Variants in ATIC observed in about 807,000 individuals in gnomAD.
The protein encoded by ATIC is bifunctional purine biosynthesis protein ATIC.
In ATIC, 64 loss-of-function variants were observed where a neutral mutation model predicts 72.5. The ratio of observed to expected loss-of-function variants is 0.88; its 90% CI spans 0.72 to 1.09. ATIC has a LOEUF of 1.09. Ranked by LOEUF, ATIC falls within the 50% of genes least tolerant of loss-of-function variation. ATIC has a pLI of 0.00. For missense variants in ATIC, 787 were observed against 732.4 expected, an observed-to-expected ratio of 1.07 and a Z score of -0.86; for synonymous variants, 281 against 267.1, an observed-to-expected ratio of 1.05 and a Z score of -0.51.
chr2:215,335,075 A>G (rs1575121296), intron 10 of ATIC, 71 bp downstream of exon 10: 1 of 992,692 alleles, frequency 1.0e-6, no homozygotes. Context: ...GTTAATTGAA[A>G]CCATAACCTA....
At chr2:215,365,135 C>G in the ATIC span, 1 of 704,930 alleles carries the variant, frequency 1.4e-6, no homozygotes, top group Non-Finnish European at 2.6e-6. Context: ...AGCAGTACTG[C>G]TATACAGATC....
At chr2:215,355,561 C>CCTGCAG in the ATIC span, among the ~76,000 whole-genome samples, 2 of 152,208 alleles carry the variant, frequency 1.3e-5, no homozygotes, top group African/African-American at 2.4e-5. Context: ...CCTCAGAGCA[C>CCTGCAG]AGAACCCTGC....
intron 3 of ATIC, among the ~76,000 whole-genome samples, chr2:215,319,178 C>T (rs1482729952): frequency 6.6e-6 from 1 of 152,130 alleles, no homozygotes; most frequent in Non-Finnish European, 1.5e-5. Context: ...CTGTGGCCAG[C>T]CAGATATATC....
rs1202350270 is a variant in ATIC at position 215,349,445 on chromosome 2, CT to C, written c.1660-88del. 3 of 1,604,406 alleles carry C rather than the reference CT, an allele frequency of 1.9e-6. No individual in the cohort carries two copies. The African/African-American group carries it at 4.0e-5, about 21-fold the overall frequency. On this transcript the variant is annotated intron_variant, in intron 15 of 15. Transcript: ENST00000236959. Reference sequence around the variant, plus strand: ...ATTTTGCCTTTTTGACTGAGTGTATCTTTGTTAGCATATGCTTTTTAGAGGG... The same window carrying C: ...ATTTTGCCTTTTTGACTGAGTGTATCTTGTTAGCATATGCTTTTTAGAGGG...
chr2:215,367,900 T>C, the ATIC span: 15 of 1,614,082 alleles, frequency 9.3e-6, no homozygotes, highest in Non-Finnish European at 1.3e-5. Flanking sequence ...TTCCAAAGCC[T>C]AAGCACTGGC....
intron 2 of ATIC, among the ~76,000 whole-genome samples, chr2:215,316,622 A>G (rs576531601): frequency 6.6e-6 from 1 of 152,358 alleles, no homozygotes; most frequent in South Asian, 2.1e-4. Context: ...ATGGACAACT[A>G]TAAAGAAGGT....
At chr2:215,365,293 G>C in the ATIC span, among the ~76,000 whole-genome samples, 1 of 152,058 alleles carries the variant, frequency 6.6e-6, no homozygotes, top group Non-Finnish European at 1.5e-5. Flanking sequence ...TACTCAGGTT[G>C]GACAAGTGCT....
the ATIC span, chr2:215,365,573 C>A: frequency 2.5e-6 from 4 of 1,613,942 alleles, no homozygotes; most frequent in Admixed American, 6.7e-5. Flanking sequence ...GCCATTTTCT[C>A]CCTGACGGTC....
chr2:215,333,487 G>A, intron 9 of ATIC, 30 bp downstream of exon 9: 1 of 1,578,068 alleles, frequency 6.3e-7, no homozygotes, highest in Admixed American at 1.7e-5. Flanking sequence ...TTGATTTGGG[G>A]GAGAAAGAAA....
At chr2:215,332,251 TTGTG>T in intron 7 of ATIC, 127 bp from the exon 8 acceptor site, 1 of 1,306,368 alleles carries the variant, frequency 7.7e-7, no homozygotes, top group Non-Finnish European at 1.1e-6. Context: ...GATTTTATGT[TTGTG>T]TGTATCTGTT....
At position 215,325,198 on chromosome 2, in the gene ATIC, A is replaced by C. The variant is rs763913204; in HGVS notation, c.291-43A>C. 7.5e-6 allele frequency: 11 copies of C among 1,474,960 alleles called. 1 individual carries two copies. The South Asian group carries it at 1.1e-4, about 15-fold the overall frequency. The allele number at this position is 1,474,960 out of a possible 1,614,324, so 91.4% of individuals were successfully genotyped here. The stretch of plus-strand genomic sequence containing the variant: ...TTCCTAGATAGCTGTAAACCACATG[A>C]GTGGACTTTTTAATGACAGCCAGAT... On this transcript the variant is annotated intron_variant, in intron 4 of 15. Coordinates refer to ENST00000236959, the MANE Select transcript of ATIC (RefSeq NM_004044.7).
chr2:215,328,718 C>CTT lies in ATIC; in HGVS notation c.688+1755_688+1756dup, dbSNP rs112676407. On this transcript the variant is annotated intron_variant, in intron 7 of 15. Coordinates refer to ENST00000236959, the MANE Select transcript of ATIC (RefSeq NM_004044.7). ...CTTCCCCCATTAGGATGGCAGCTTCCTTTTTTTTTTTTTTTTGAGATAGAG... is the reference window on the plus strand; with the variant it reads ...CTTCCCCCATTAGGATGGCAGCTTCCTTTTTTTTTTTTTTTTTTGAGATAGAG... 9.1e-3 allele frequency among the ~76,000 whole-genome samples: 1,256 copies of CTT among 137,660 alleles called. 8 individuals are homozygous for CTT. The highest frequency in any genetic ancestry group is 0.015 in the African/African-American group (558 of 37,210). 90.3% of individuals were successfully genotyped at this position (137,660 alleles called of 152,430 possible).
chr2:215,367,423 T>C, the ATIC span, among the ~76,000 whole-genome samples: 3 of 152,328 alleles, frequency 2.0e-5, no homozygotes, highest in East Asian at 1.9e-4. Context: ...ATGGGTACTA[T>C]GATATGTGCA....
rs755538098 is a variant in ATIC at position 215,325,221 on chromosome 2, G to A, written c.291-20G>A. The A allele has an allele frequency of 6.3e-7, 1 of 1,598,990 alleles. No individual in the cohort carries two copies. The highest frequency in any genetic ancestry group is 1.7e-5 in the Admixed American group (1 of 59,980). ...TGAGTGGACTTTTTAATGACAGCCA[G>A]ATTCGTCTTTGTTTTATAGAGTTGT... On this transcript the variant is annotated intron_variant, in intron 4 of 15. Coordinates refer to ENST00000236959, the MANE Select transcript of ATIC (RefSeq NM_004044.7).
At chr2:215,353,795 C>G (rs1261190962), downstream of ATIC, among the ~76,000 whole-genome samples, 3 of 152,092 alleles carry the variant, frequency 2.0e-5, no homozygotes, top group African/African-American at 4.8e-5. Flanking sequence ...CTCCTGACCT[C>G]AAGTGATCTG....
the ATIC span, chr2:215,365,659 A>T: frequency 6.2e-7 from 1 of 1,612,952 alleles, no homozygotes. Context: ...TCAGGACCAA[A>T]AAGTTATTTG....
the ATIC span, chr2:215,364,881 G>T: frequency 6.4e-7 from 1 of 1,552,056 alleles, no homozygotes; most frequent in Non-Finnish European, 8.7e-7. Context: ...AGTCTTACCC[G>T]CTGGCCTCCA....
chr2:215,337,618 C>T (rs560111063), intron 11 of ATIC, among the ~76,000 whole-genome samples: 5 of 152,314 alleles, frequency 3.3e-5, no homozygotes, highest in South Asian at 4.1e-4. Flanking sequence ...CTGCCCGCCT[C>T]GGCCTCCCAA....
rs2052835268 is a variant in ATIC at position 215,326,974 on chromosome 2, C to T, written c.684C>T (p.Ile228=). 4.3e-6 allele frequency: 7 copies of T among 1,614,066 alleles called. No homozygotes were observed. Among genetic ancestry groups the T allele is most frequent in the African/African-American group, 1.3e-5 (1 of 74,922 alleles). ...QLYTLQPKLP[I]TVLNGAPGFI... is the part of the protein sequence containing the mutation. ...ACACACTGCAGCCCAAGCTTCCCAT[C>T]ACAGGTAAAGCCCGAGCGTTCTGTG... Residue 228 remains isoleucine (I), a synonymous_variant, in exon 7 of 16, where the codon ATC becomes ATT. Coordinates refer to ENST00000236959, the MANE Select transcript of ATIC (RefSeq NM_004044.7).
Sources: allele counts gnomAD v4.1 joint callset (sites outside exome capture counted in the v4.1 genomes callset), GRCh38; gene constraint gnomAD v4.1.1; transcripts MANE v1.5; gene names NCBI Gene and HGNC (gene_info 2026-07-23, HGNC 2026-07-21).